The following MORC3 variants were observed in gnomAD, a reference collection of about 807,000 sequenced individuals.
MORC3 encodes MORC family CW-type zinc finger 3.
A neutral mutation model predicts 109.1 loss-of-function variants in MORC3; 31 were observed. The observed-to-expected ratio is 0.28, with a 90% CI of 0.21 to 0.38. The LOEUF is 0.38. MORC3 is among the 10% of genes least tolerant of loss of function. The pLI is 1.00. For missense variants in MORC3, 867 were observed against 1,135.8 expected, an observed-to-expected ratio of 0.76 and a Z score of 3.40; for synonymous variants, 395 against 380.7, an observed-to-expected ratio of 1.04 and a Z score of -0.44.
In MORC3 at chr21:36,356,743, C is replaced by T; in HGVS notation, c.1208+19C>T. 7.1e-7 allele frequency: 1 copy of T among 1,408,818 alleles called. No homozygotes were observed. Among genetic ancestry groups the T allele is most frequent in the Non-Finnish European group, 9.8e-7 (1 of 1,015,684 alleles). 87.3% of individuals were successfully genotyped at this position (1,408,818 alleles called of 1,614,324 possible). On this transcript the variant is annotated intron_variant, in intron 10 of 16. Transcript: ENST00000400485. ...ATATACAGTAAGTACATTTTTAAAACATATCATTTCACTTAGATATCAAGA... is the reference window on the plus strand; with the variant it reads ...ATATACAGTAAGTACATTTTTAAAATATATCATTTCACTTAGATATCAAGA...
At position 36,323,426 on chromosome 21, in the gene MORC3, A is replaced by G. The variant is rs139659967; in HGVS notation, c.39+3123A>G. ...AAAAATTACATGAGCAGATAGATAAATAAAAGGGCTGTGCGTGCCGTAGGT... is the reference window on the plus strand; with the variant it reads ...AAAAATTACATGAGCAGATAGATAAGTAAAAGGGCTGTGCGTGCCGTAGGT... On this transcript the variant is annotated intron_variant, in intron 1 of 16. Coordinates refer to ENST00000400485, the MANE Select transcript of MORC3 (RefSeq NM_015358.3). Among the ~76,000 whole-genome samples the G allele has an allele frequency of 1.1e-4, 17 of 152,306 alleles. 1 individual carries two copies. In the East Asian group the frequency reaches 3.3e-3, roughly 29 times the overall value.
At position 36,337,768 on chromosome 21, in the gene MORC3, T is replaced by C; in HGVS notation, c.282T>C (p.His94=). ...GTGACAAAGTCACCATGAATGGTCA[T>C]GTCCCAGTTGGATTATATGGGAATG... is the stretch of plus-strand genomic sequence containing the variant. ...GFSDKVTMNG[H]VPVGLYGNGF... Residue 94 remains histidine (H), a synonymous_variant, in exon 4 of 17, where the codon CAT becomes CAC. Coordinates refer to ENST00000400485, the MANE Select transcript of MORC3 (RefSeq NM_015358.3). 1 of 1,614,168 alleles carries C rather than the reference T, an allele frequency of 6.2e-7. No individual in the cohort carries two copies. Among genetic ancestry groups the C allele is most frequent in the African/African-American group, 1.3e-5 (1 of 75,068 alleles).
chr21:36,334,094 A>G (rs1026633120), intron 2 of MORC3, among the ~76,000 whole-genome samples: 1 of 152,032 alleles, frequency 6.6e-6, no homozygotes. Flanking sequence ...GCCTACAAAA[A>G]TATTTTAAAA....
rs2085835349 is a variant in MORC3 at position 36,369,938 on chromosome 21, G to A, written c.2508+62G>A. On this transcript the variant is annotated intron_variant, in intron 15 of 16. Transcript: ENST00000400485. ...AGGGCCATTTAAACCTTAAGAAGCT[G>A]CCAGTTGGCTGGGCGCGGTGGCTCA... 2.6e-6 allele frequency: 4 copies of A among 1,556,990 alleles called. No individual in the cohort carries two copies. In the East Asian group the frequency reaches 9.0e-5, roughly 35 times the overall value.
intron 8 of MORC3, among the ~76,000 whole-genome samples, chr21:36,348,815 A>G (rs1244241692): frequency 6.6e-6 from 1 of 152,164 alleles, no homozygotes; most frequent in Non-Finnish European, 1.5e-5. Context: ...GTATTTAGAA[A>G]TTAACTCCCA....
intron 9 of MORC3, among the ~76,000 whole-genome samples, chr21:36,355,234 G>A (rs1430112861): frequency 2.6e-5 from 4 of 152,048 alleles, no homozygotes; most frequent in Non-Finnish European, 4.4e-5. Context: ...ATTGTGTTTC[G>A]GGACAAGTAG....
At position 36,320,244 on chromosome 21, in the gene MORC3, T is replaced by C. The variant is rs373245402; in HGVS notation, c.-21T>C. ...GTCGGGTTGCGGCGGAGGCCGTTCC[T>C]GGCTTTGTAGCTCGCTCAAGATGGC... On this transcript the variant is annotated 5_prime_UTR_variant, in exon 1 of 17. Transcript: ENST00000400485. The C allele has an allele frequency of 8.6e-4, 1,355 of 1,575,954 alleles. 18 individuals are homozygous for C. In the Admixed American group the frequency reaches 0.014, roughly 17 times the overall value.
intron 6 of MORC3, among the ~76,000 whole-genome samples, chr21:36,343,020 AAAAAAT>A (rs1290526714): frequency 6.6e-6 from 1 of 151,830 alleles, no homozygotes; most frequent in Non-Finnish European, 1.5e-5. Context: ...ACTCTGTCTC[AAAAAAT>A]AAAAATAAAA....
At position 36,337,856 on chromosome 21, in the gene MORC3, A is replaced by G. The variant is rs2085391272; in HGVS notation, c.370A>G (p.Ser124Gly). 16 of 1,614,220 alleles carry G rather than the reference A, an allele frequency of 9.9e-6. No individual in the cohort carries two copies. The highest frequency in any genetic ancestry group is 1.3e-5 in the Non-Finnish European group (15 of 1,180,040). ...AATCGTTTTTACCAAAAATGGAGAA[A>G]GCATGAGCGTGGGCCTTTTGTCTCA... ...DAIVFTKNGE[S>G]MSVGLLSQTY... is the part of the protein sequence containing the mutation. The change falls in exon 4 of 17, where the codon AGC becomes GGC. Residue 124 changes from serine (S) to glycine (G), a missense_variant. Coordinates refer to ENST00000400485, the MANE Select transcript of MORC3 (RefSeq NM_015358.3).
chr21:36,361,751 G>T, intron 12 of MORC3: 1 of 173,752 alleles, frequency 5.8e-6, no homozygotes, highest in Non-Finnish European at 1.2e-5. Flanking sequence ...GCCGGGCATG[G>T]TGGTGGACGC....
intron 1 of MORC3, 170 bp from the exon 2 acceptor site, chr21:36,333,476 C>G: frequency 3.3e-6 from 2 of 603,058 alleles, no homozygotes; most frequent in Non-Finnish European, 5.8e-6. Flanking sequence ...CCAGTGTTAT[C>G]TTCCAAGAAT....
At chr21:36,336,236 G>A (rs1469488418) in intron 2 of MORC3, among the ~76,000 whole-genome samples, 1 of 143,352 alleles carries the variant, frequency 7.0e-6, no homozygotes, top group Non-Finnish European at 1.5e-5. Flanking sequence ...CAGCTTTTTT[G>A]TTTTTGTTTT....
intron 6 of MORC3, 41 bp downstream of exon 6, chr21:36,341,587 G>C: frequency 1.2e-6 from 2 of 1,612,160 alleles, no homozygotes; most frequent in Non-Finnish European, 1.7e-6. Context: ...GAAAATCATT[G>C]AATGCTGGTA....
At chr21:36,374,910 G>C (rs1385175296) in intron 16 of MORC3, among the ~76,000 whole-genome samples, 1 of 152,152 alleles carries the variant, frequency 6.6e-6, no homozygotes, top group African/African-American at 2.4e-5. Flanking sequence ...GGGCTCCAGC[G>C]ATCTCCCTCC....
At chr21:36,327,015 A>G (rs1053655527) in intron 1 of MORC3, among the ~76,000 whole-genome samples, 2 of 151,526 alleles carry the variant, frequency 1.3e-5, no homozygotes, top group Non-Finnish European at 2.9e-5. Flanking sequence ...GGGTTTTGCC[A>G]TGTTGCCCAG....
chr21:36,374,254 T>C (rs2146347492), intron 16 of MORC3, among the ~76,000 whole-genome samples: 1 of 152,226 alleles, frequency 6.6e-6, no homozygotes, highest in East Asian at 1.9e-4. Flanking sequence ...CACGCCCAGC[T>C]ACATTTTGTA....
At chr21:36,361,969 T>C in intron 12 of MORC3, 1 of 602,778 alleles carries the variant, frequency 1.7e-6, no homozygotes, top group Non-Finnish European at 3.0e-6. Context: ...ACACCAAAGA[T>C]CTGCAGTTTA....
At position 36,353,755 on chromosome 21, in the gene MORC3, A is replaced by ATTTTTTTTTTTTT. The variant is rs1202729285; in HGVS notation, c.1104-2855_1104-2843dup. The stretch of plus-strand genomic sequence containing the variant: ...GCCACCAAGCCCGGCTAATTTTTGT[A>ATTTTTTTTTTTTT]TTTTTTTTTTTTTTTTTTTTTTAGT... On this transcript the variant is annotated intron_variant, in intron 9 of 16. Coordinates refer to ENST00000400485, the MANE Select transcript of MORC3 (RefSeq NM_015358.3). Among the ~76,000 whole-genome samples, 105 of 70,998 alleles carry ATTTTTTTTTTTTT rather than the reference A, an allele frequency of 1.5e-3. 18 individuals carry two copies. The highest frequency in any genetic ancestry group is 6.2e-3 in the South Asian group (9 of 1,458). The allele number at this position is 70,998 out of a possible 152,430, so 46.6% of individuals were successfully genotyped here.
intron 1 of MORC3, 96 bp downstream of exon 1, chr21:36,320,399 C>T: frequency 2.6e-6 from 3 of 1,174,452 alleles, no homozygotes; most frequent in South Asian, 3.5e-5. Flanking sequence ...CTTGTGGGGC[C>T]GACGCGGCGG....
Sources: gnomAD v4.1 joint callset for allele counts (sites outside exome capture counted in the v4.1 genomes callset) on GRCh38, gnomAD v4.1.1 for gene constraint, MANE v1.5 for transcripts, NCBI Gene and HGNC (gene_info 2026-07-23, HGNC 2026-07-21) for gene names.